Variants in AP3D1 observed in about 807,000 individuals in gnomAD.
The protein encoded by AP3D1 is AP-3 complex subunit delta-1.
A neutral mutation model predicts 147.6 loss-of-function variants in AP3D1; 51 were observed. The ratio of observed to expected loss-of-function variants is 0.35; its 90% CI spans 0.28 to 0.44. The LOEUF is 0.44. AP3D1 is among the 20% of genes least tolerant of loss of function. The pLI is 1.00. For missense variants in AP3D1, 1,421 were observed against 1,624.2 expected, an observed-to-expected ratio of 0.87 and a Z score of 2.15; for synonymous variants, 760 against 663.0, an observed-to-expected ratio of 1.15 and a Z score of -2.25.
intron 29 of AP3D1, 151 bp from the exon 30 acceptor site, chr19:2,109,358 C>A: frequency 9.3e-7 from 1 of 1,070,316 alleles, no homozygotes; most frequent in South Asian, 1.7e-5. Context: ...GAAGGTGTGG[C>A]TCATTTTCAT....
intron 1 of AP3D1, among the ~76,000 whole-genome samples, chr19:2,148,568 G>A (rs1003902800): frequency 6.6e-6 from 1 of 152,178 alleles, no homozygotes; most frequent in Non-Finnish European, 1.5e-5. Flanking sequence ...CAACCTCAGC[G>A]CTCTGGCGCT....
At chr19:2,135,779 G>A (rs905351904) in intron 4 of AP3D1, among the ~76,000 whole-genome samples, 14 of 152,144 alleles carry the variant, frequency 9.2e-5, no homozygotes, top group East Asian at 1.9e-4. Context: ...GGGACCGGCC[G>A]TGCCGAGCCC....
rs2018417360 is a variant in AP3D1 at position 2,115,417 on chromosome 19, C to G, written c.2151G>C (p.Gly717=). 1 of 1,607,210 alleles carries G rather than the reference C, an allele frequency of 6.2e-7. No individual in the cohort carries two copies. The highest frequency in any genetic ancestry group is 8.5e-7 in the Non-Finnish European group (1 of 1,179,674). Residue 717 remains glycine (G), a splice_region_variant and synonymous_variant, in exon 20 of 32, where the codon GGG becomes GGC. Coordinates refer to ENST00000643116, the MANE Select transcript of AP3D1 (RefSeq NM_001261826.3). ...IDLSVPLKVP[G]LPMSDQYVKL... ...TCACATACTGATCTGACATAGGCAG[C>G]CCTGCGGGCCGGCAGCGGGCAGCCA... is the stretch of plus-strand genomic sequence containing the variant.
chr19:2,108,922 T>C (rs2049344536), intron 30 of AP3D1, 156 bp from the exon 31 acceptor site: 1 of 1,315,568 alleles, frequency 7.6e-7, no homozygotes, highest in Non-Finnish European at 1.0e-6. Context: ...GTGTGGGGAA[T>C]GCAGCCCCCG....
At chr19:2,104,474 ATG>A (rs2018053158) in intron 31 of AP3D1, among the ~76,000 whole-genome samples, 1 of 150,484 alleles carries the variant, frequency 6.6e-6, no homozygotes, top group Non-Finnish European at 1.5e-5. Context: ...CAAGACACCA[ATG>A]CCCAGACCCC....
chr19:2,111,724 C>A lies in AP3D1; in HGVS notation c.2892G>T (p.Ala964=), dbSNP rs367708267. The A allele has an allele frequency of 1.2e-6, 2 of 1,604,718 alleles. No individual in the cohort carries two copies. The highest frequency in any genetic ancestry group is 1.7e-5 in the Admixed American group (1 of 58,828). Residue 964 remains alanine (A), a synonymous_variant, in exon 25 of 32, where the codon GCG becomes GCT. Transcript: ENST00000643116. ...GCGCGCCATTCTGCACCGGCTCCCC[C>A]GCTGCCTCCTCGCTGCCTGGAGGCT... ...KKQPPGSEEA[A]GEPVQNGAPE...
intron 3 of AP3D1, 68 bp from the exon 4 acceptor site, chr19:2,137,159 C>G (rs866112699): frequency 7.3e-7 from 1 of 1,364,706 alleles, no homozygotes; most frequent in Middle Eastern, 1.8e-4. Context: ...CAGCTCTGCT[C>G]TGCAGCGACC....
chr19:2,111,127 C>A, intron 26 of AP3D1, 158 bp downstream of exon 26: 1 of 1,036,960 alleles, frequency 9.6e-7, no homozygotes, highest in Non-Finnish European at 1.4e-6. Context: ...AACCTTACCC[C>A]AAGCCAGAGG....
At position 2,112,853 on chromosome 19, in the gene AP3D1, G is replaced by A. The variant is rs2018323700; in HGVS notation, c.2787+7C>T. 3 of 1,605,460 alleles carry A rather than the reference G, an allele frequency of 1.9e-6. No individual in the cohort carries two copies. The highest frequency in any genetic ancestry group is 3.4e-5 in the Admixed American group (2 of 59,300). ...CTCCACAGCCCCTGGGGGAGTGACAGCCTCACCTTGTCCTGGTCTTGCCCC... is the reference window on the plus strand; with the variant it reads ...CTCCACAGCCCCTGGGGGAGTGACAACCTCACCTTGTCCTGGTCTTGCCCC... On this transcript the variant is annotated splice_region_variant and intron_variant, in intron 24 of 31. Transcript: ENST00000643116.
chr19:2,134,134 G>A (rs570456838), intron 4 of AP3D1, among the ~76,000 whole-genome samples: 8 of 152,026 alleles, frequency 5.3e-5, no homozygotes, highest in Non-Finnish European at 1.2e-4. Flanking sequence ...AACACAGTGA[G>A]CTGAAGTGGT....
intron 5 of AP3D1, among the ~76,000 whole-genome samples, chr19:2,131,231 CA>C (rs1235242316): frequency 1.4e-4 from 21 of 152,278 alleles, no homozygotes; most frequent in African/African-American, 4.6e-4. Context: ...GCTGTGCTGA[CA>C]ATCTCCAAGA....
At chr19:2,112,019 G>A in intron 24 of AP3D1, 191 bp from the exon 25 acceptor site, 2 of 886,656 alleles carry the variant, frequency 2.3e-6, no homozygotes, top group South Asian at 1.8e-5. Context: ...GGAGGCTGGG[G>A]CCGTCTCTGG....
At chr19:2,160,526 C>A (rs1308253281) in intron 1 of AP3D1, among the ~76,000 whole-genome samples, 2 of 151,888 alleles carry the variant, frequency 1.3e-5, no homozygotes, top group Non-Finnish European at 2.9e-5. Context: ...GAGCTAGACT[C>A]CTCCGTCTCA....
In AP3D1 at chr19:2,114,301, G is replaced by C; in HGVS notation, c.2425C>G (p.Pro809Ala). ...YRALDIDLDK[P>A]LADSEKLPIQ... is the part of the protein sequence containing the mutation. Reference sequence around the variant, plus strand: ...GGCAGTTTCTCGCTGTCGGCTAAGGGCCTGGAGGAGGAATGACCGGGCCAC... The same window carrying C: ...GGCAGTTTCTCGCTGTCGGCTAAGGCCCTGGAGGAGGAATGACCGGGCCAC... The change falls in exon 22 of 32, where the codon CCC (proline) becomes GCC (alanine). Residue 809 changes from proline (P) to alanine (A), a missense_variant and splice_region_variant. By Grantham distance (27) the Pro-to-Ala change is conservative. This residue lies in a region of AP3D1 where 791 missense variants were observed against 761.4 expected (regional missense o/e 1.04). Coordinates refer to ENST00000643116, the MANE Select transcript of AP3D1 (RefSeq NM_001261826.3). The C allele has an allele frequency of 6.2e-7, 1 of 1,610,478 alleles. No homozygotes were observed. Among genetic ancestry groups the C allele is most frequent in the East Asian group, 2.2e-5 (1 of 44,852 alleles).
Position 2,111,308 on chromosome 19 carries a change from C to T in AP3D1, c.2962G>A (p.Ala988Thr), listed in dbSNP as rs1234450210. 2.5e-6 allele frequency: 4 copies of T among 1,614,008 alleles called. No individual in the cohort carries two copies. Among genetic ancestry groups the T allele is most frequent in the South Asian group, 1.1e-5 (1 of 91,082 alleles). ...ACCATTTTAACATAGGAATTTTCAG[C>T]GAGGAGGGAGTAGCTGGACTCAGGC... Reference protein sequence around the residue: ...LPPESSYSLLAENSYVKMTCD... With the variant: ...LPPESSYSLLTENSYVKMTCD... Residue 988 changes from alanine (A) to threonine (T), a missense_variant, in exon 26 of 32, where the codon GCT becomes ACT. Transcript: ENST00000643116.
At chr19:2,164,400 C>T (rs995751255) in exon 1 of AP3D1, 16 of 532,272 alleles carry the variant, frequency 3.0e-5, no homozygotes, top group Non-Finnish European at 3.6e-5. Context: ...ACTGTCGCTG[C>T]TCCACCCCCG....
In AP3D1 at chr19:2,111,758, G is replaced by A. The variant is rs776237140; in HGVS notation, c.2858C>T (p.Ser953Phe). ...CTCGCTGCCTGGAGGCTGCTTCTTG[G>A]ACTTCTTCTTGCCTTTGGTCCGCTC... ...KEERTKGKKK[S>F]KKQPPGSEEA... Residue 953 changes from serine (S) to phenylalanine (F), a missense_variant, in exon 25 of 32, where the codon TCC (serine) becomes TTC (phenylalanine). Transcript: ENST00000643116. The A allele has an allele frequency of 5.6e-6, 9 of 1,611,586 alleles. No individual in the cohort carries two copies. The South Asian group carries it at 9.9e-5, about 18-fold the overall frequency.
chr19:2,113,308 T>C, intron 23 of AP3D1, 28 bp downstream of exon 23: 1 of 1,020,434 alleles, frequency 9.8e-7, no homozygotes, highest in South Asian at 1.5e-5. Flanking sequence ...ACACCGAGGC[T>C]GGCACTGGCC....
upstream of AP3D1, among the ~76,000 whole-genome samples, chr19:2,153,667 T>G (rs2019622153): frequency 1.4e-5 from 2 of 146,804 alleles, no homozygotes; most frequent in Admixed American, 1.4e-4. Context: ...AGAGCAAGAT[T>G]CCGTCTCAAA....
Sources: gnomAD v4.1 joint callset for allele counts (sites outside exome capture counted in the v4.1 genomes callset) on GRCh38, gnomAD v4.1.1 for gene constraint, gnomAD v4.1.1 regional missense constraint, MANE v1.5 for transcripts, NCBI Gene and HGNC (gene_info 2026-07-23, HGNC 2026-07-21) for gene names.